The following SLC9C2 variants were observed in gnomAD, a reference collection of about 807,000 sequenced individuals.
SLC9C2 encodes sodium/hydrogen exchanger 11.
SLC9C2 carries 75 observed loss-of-function variants against 140.2 expected under a neutral mutation model. The ratio of observed to expected loss-of-function variants is 0.53; its 90% CI spans 0.44 to 0.65. The LOEUF (loss-of-function observed/expected upper bound fraction) is 0.65, where lower values mean the gene tolerates loss of function less well. Ranked by LOEUF, SLC9C2 falls within the 30% of genes least tolerant of loss-of-function variation. SLC9C2 has a pLI of 0.00. For missense variants in SLC9C2, 1,074 were observed against 1,331.8 expected (o/e 0.81, Z 3.01); for synonymous variants, 375 against 420.9 (o/e 0.89, Z 1.34).
At chr1:173,573,161 A>AC in intron 9 of SLC9C2, 21 bp downstream of exon 9, 1 of 1,487,310 alleles carries the variant, frequency 6.7e-7, no homozygotes, top group Non-Finnish European at 9.2e-7. Context: ...TAGTAAACAA[A>AC]CTTTAAAATA....
At chr1:173,582,327 T>A (rs1334948394) in intron 6 of SLC9C2, among the ~76,000 whole-genome samples, 1 of 152,166 alleles carries the variant, frequency 6.6e-6, no homozygotes, top group Non-Finnish European at 1.5e-5. Flanking sequence ...ACAAAAAAAA[T>A]CTAAATTAAA....
intron 18 of SLC9C2, among the ~76,000 whole-genome samples, chr1:173,527,542 C>A (rs1440481459): frequency 6.6e-6 from 1 of 152,186 alleles, no homozygotes; most frequent in African/African-American, 2.4e-5. Context: ...CAGGGCTAAC[C>A]AATCTCTGTT....
intron 23 of SLC9C2, among the ~76,000 whole-genome samples, chr1:173,516,624 G>A (rs906945856): frequency 2.6e-5 from 4 of 152,094 alleles, no homozygotes; most frequent in South Asian, 2.1e-4. Flanking sequence ...TCCATCCATA[G>A]TTCCTGCAAA....
At chr1:173,501,118 T>C in intron 27 of SLC9C2, 21 bp from the exon 28 acceptor site, 1 of 1,531,842 alleles carries the variant, frequency 6.5e-7, no homozygotes, top group Non-Finnish European at 8.8e-7. Context: ...AAGTCAAAAG[T>C]TAAATATTAG....
At chr1:173,551,975 C>A (rs932706967) in intron 11 of SLC9C2, among the ~76,000 whole-genome samples, 1 of 152,136 alleles carries the variant, frequency 6.6e-6, no homozygotes, top group Non-Finnish European at 1.5e-5. Flanking sequence ...AAAAAAAAAT[C>A]TCTTGAAAGA....
Position 173,518,739 on chromosome 1 carries a change from A to G in SLC9C2, c.2740-1035T>C, listed in dbSNP as rs536544073. ...AGGTCATTCTCTCCCAGCAATTAGC[A>G]TTCAGACTTTTAAAGGCATTCATGC... is the stretch of plus-strand genomic sequence containing the variant. On this transcript the variant is annotated intron_variant, in intron 22 of 27. Coordinates refer to ENST00000367714, the MANE Select transcript of SLC9C2 (RefSeq NM_178527.4). 1.5e-3 allele frequency among the ~76,000 whole-genome samples: 226 copies of G among 152,334 alleles called. 4 individuals carry two copies. The highest frequency in any genetic ancestry group is 3.1e-3 in the South Asian group (15 of 4,826).
chr1:173,590,789 C>T (rs1666118449), intron 4 of SLC9C2, among the ~76,000 whole-genome samples: 1 of 152,120 alleles, frequency 6.6e-6, no homozygotes, highest in Non-Finnish European at 1.5e-5. Context: ...TGATTCACTT[C>T]CTGGGCAAGA....
At chr1:173,560,762 G>A (rs183669356) in intron 9 of SLC9C2, among the ~76,000 whole-genome samples, 1 of 151,910 alleles carries the variant, frequency 6.6e-6, no homozygotes, top group Non-Finnish European at 1.5e-5. Context: ...CCCATAACAC[G>A]TTTCTTGTTC....
In SLC9C2 at chr1:173,581,892, TAGTC is replaced by T. The variant is rs781512722; in HGVS notation, c.753_756del (p.Thr252IlefsTer11). ...ACCATTGAAAAGCAGAGAATGATAT[TAGTC>T]AGCATATTGCTAAAAACGTCAGCCA... On this transcript the variant is annotated frameshift_variant, in exon 7 of 28. Coordinates refer to ENST00000367714, the MANE Select transcript of SLC9C2 (RefSeq NM_178527.4). LOFTEE classifies it high-confidence loss of function. The T allele has an allele frequency of 3.1e-6, 5 of 1,602,162 alleles. No homozygotes were observed. The South Asian group carries it at 4.5e-5, about 14-fold the overall frequency.
At chr1:173,601,236 A>G (rs921220450) in intron 2 of SLC9C2, among the ~76,000 whole-genome samples, 5 of 152,152 alleles carry the variant, frequency 3.3e-5, no homozygotes, top group African/African-American at 1.2e-4. Context: ...GTTTGCTCGC[A>G]TTGTCCTCCC....
chr1:173,528,393 A>C (rs1281034248), intron 18 of SLC9C2, among the ~76,000 whole-genome samples: 1 of 151,778 alleles, frequency 6.6e-6, no homozygotes, highest in Non-Finnish European at 1.5e-5. Flanking sequence ...AACTCCCCCC[A>C]CTGTCTCTTG....
chr1:173,509,859 G>C (rs1349624513), intron 23 of SLC9C2, among the ~76,000 whole-genome samples, 160 bp from the exon 24 acceptor site: 2 of 152,160 alleles, frequency 1.3e-5, no homozygotes, highest in African/African-American at 2.4e-5. Context: ...TTGTGAAAAT[G>C]GTTGTTTGCT....
At position 173,542,129 on chromosome 1, in the gene SLC9C2, G is replaced by C. The variant is rs74897528; in HGVS notation, c.1558-5090C>G. Among the ~76,000 whole-genome samples, 943 of 151,884 alleles carry C rather than the reference G, an allele frequency of 6.2e-3. 7 individuals are homozygous for C. The highest frequency in any genetic ancestry group is 0.02 in the African/African-American group (836 of 41,440). On this transcript the variant is annotated intron_variant, in intron 13 of 27. Transcript: ENST00000367714. ...ACCGCTAGCAAGACTAATAAAGAAG[G>C]AAAGAGAGAAGAAGCACATAGATGC... is the stretch of plus-strand genomic sequence containing the variant.
chr1:173,595,819 G>C (rs1373488171), intron 4 of SLC9C2, among the ~76,000 whole-genome samples: 1 of 151,948 alleles, frequency 6.6e-6, no homozygotes, highest in Non-Finnish European at 1.5e-5. Context: ...CTACTCTTTT[G>C]GTGTACAGTT....
At chr1:173,558,777 C>T (rs939407237) in intron 9 of SLC9C2, among the ~76,000 whole-genome samples, 8 of 152,198 alleles carry the variant, frequency 5.3e-5, no homozygotes, top group African/African-American at 1.9e-4. Context: ...CTTGGCTCAT[C>T]CTCTCTGAAA....
At chr1:173,523,023 T>C (rs2101954416) in intron 21 of SLC9C2, among the ~76,000 whole-genome samples, 1 of 152,328 alleles carries the variant, frequency 6.6e-6, no homozygotes, top group East Asian at 1.9e-4. Flanking sequence ...GCTACTTATT[T>C]ATGTGTTTGG....
At chr1:173,593,496 G>A (rs1666285938) in intron 4 of SLC9C2, among the ~76,000 whole-genome samples, 1 of 152,124 alleles carries the variant, frequency 6.6e-6, no homozygotes. Flanking sequence ...CTCTAGCCTG[G>A]GCAGTAGAGT....
intron 4 of SLC9C2, among the ~76,000 whole-genome samples, chr1:173,594,119 G>A (rs190200592): frequency 6.6e-6 from 1 of 152,246 alleles, no homozygotes; most frequent in Admixed American, 6.5e-5. Flanking sequence ...TATTCAAATT[G>A]AGACAAAACA....
At chr1:173,566,910 A>T (rs1571577212) in intron 9 of SLC9C2, among the ~76,000 whole-genome samples, 1 of 151,542 alleles carries the variant, frequency 6.6e-6, no homozygotes, top group East Asian at 1.9e-4. Context: ...GAAATTTTTC[A>T]GTTTCCTTCT....
Sources: gnomAD v4.1 joint callset for allele counts (sites outside exome capture counted in the v4.1 genomes callset) on GRCh38, gnomAD v4.1.1 for gene constraint, MANE v1.5 for transcripts, NCBI Gene and HGNC (gene_info 2026-07-23, HGNC 2026-07-21) for gene names.